The following EDNRB variants were observed in gnomAD, a reference collection of about 807,000 sequenced individuals.
EDNRB encodes the protein Hirschsprung disease 2.
A neutral mutation model predicts 46.4 loss-of-function variants in EDNRB; 18 were observed. The observed-to-expected ratio is 0.39, with a 90% CI of 0.27 to 0.57. The LOEUF is 0.57. EDNRB is among the 20% of genes least tolerant of loss of function. The pLI, the probability that EDNRB is intolerant of heterozygous loss-of-function variation, is 0.61. For missense variants in EDNRB, 434 were observed against 537.5 expected, an observed-to-expected ratio of 0.81 and a Z score of 1.90; for synonymous variants, 213 against 204.9, an observed-to-expected ratio of 1.04 and a Z score of -0.34.
chr13:77,956,331 T>C (rs1007304029), intron 1 of EDNRB, among the ~76,000 whole-genome samples: 5 of 152,212 alleles, frequency 3.3e-5, no homozygotes, highest in Non-Finnish European at 7.3e-5. Flanking sequence ...ATTTTTAGTG[T>C]ACAAAAACTG....
At chr13:77,971,378 C>G (rs376357606) in intron 1 of EDNRB, among the ~76,000 whole-genome samples, 2 of 152,318 alleles carry the variant, frequency 1.3e-5, no homozygotes, top group South Asian at 2.1e-4. Flanking sequence ...CTTGTGCTAA[C>G]AGGGCCATTG....
chr13:77,945,700 G>C (rs749627010), intron 1 of EDNRB, among the ~76,000 whole-genome samples: 2 of 151,954 alleles, frequency 1.3e-5, no homozygotes, highest in Non-Finnish European at 2.9e-5. Flanking sequence ...TAAAAATAAG[G>C]ACACTAGAAA....
intron 1 of EDNRB, among the ~76,000 whole-genome samples, chr13:77,946,882 A>G (rs898906676): frequency 6.6e-6 from 1 of 152,212 alleles, no homozygotes; most frequent in African/African-American, 2.4e-5. Context: ...GTTTATACAA[A>G]TGATTTATTT....
intron 1 of EDNRB, among the ~76,000 whole-genome samples, chr13:77,973,359 A>G (rs1452859484): frequency 2.0e-5 from 3 of 152,126 alleles, no homozygotes. Flanking sequence ...TATTTATCTA[A>G]TTTTTAATAT....
At chr13:77,940,027 A>G (rs370223964) in intron 1 of EDNRB, 5 of 122,976 alleles carry the variant, frequency 4.1e-5, no homozygotes, top group South Asian at 2.6e-4. Flanking sequence ...AATAAATAAA[A>G]TAAAAATAAA....
intron 1 of EDNRB, among the ~76,000 whole-genome samples, chr13:77,932,048 T>TA (rs5804946): frequency 0.086 from 12,309 of 143,942 alleles, 676 homozygotes; most frequent in Non-Finnish European, 0.12. Context: ...GGTGAATTAT[T>TA]AAAAAAAAAA....
chr13:77,963,817 A>C (rs1881498170), intron 1 of EDNRB, among the ~76,000 whole-genome samples: 1 of 152,346 alleles, frequency 6.6e-6, no homozygotes, highest in African/African-American at 2.4e-5. Context: ...AGAAACTACC[A>C]TCAGAGTAAA....
chr13:77,966,321 C>CT (rs1881580508), intron 1 of EDNRB, among the ~76,000 whole-genome samples: 1 of 152,150 alleles, frequency 6.6e-6, no homozygotes, highest in Non-Finnish European at 1.5e-5. Flanking sequence ...ACCTGTGCCC[C>CT]CACAAAAGCA....
chr13:77,898,600 T>C (rs1878762301), intron 6 of EDNRB, among the ~76,000 whole-genome samples: 1 of 152,048 alleles, frequency 6.6e-6, no homozygotes, highest in African/African-American at 2.4e-5. Flanking sequence ...TATTTACTCT[T>C]GGTTATTTGA....
intron 1 of EDNRB, among the ~76,000 whole-genome samples, chr13:77,973,578 A>G (rs960606028): frequency 1.3e-4 from 20 of 152,122 alleles, no homozygotes; most frequent in African/African-American, 4.3e-4. Context: ...TAAACCTTTA[A>G]AACAAAACGC....
intron 6 of EDNRB, 22 bp from the exon 7 acceptor site, chr13:77,898,356 A>C: frequency 6.2e-7 from 1 of 1,610,806 alleles, no homozygotes; most frequent in South Asian, 1.1e-5. Context: ...AAAGTAACTC[A>C]TTATATGTTA....
At chr13:77,899,816 A>G (rs1437749621) in intron 6 of EDNRB, 43 bp downstream of exon 6, 1 of 1,426,896 alleles carries the variant, frequency 7.0e-7, no homozygotes, top group Non-Finnish European at 9.9e-7. Flanking sequence ...CTTATATTTG[A>G]GCCATATTAC....
chr13:77,918,410 G>C lies in EDNRB; in HGVS notation c.164C>G (p.Pro55Arg), dbSNP rs751161032. 3 of 1,593,578 alleles carry C rather than the reference G, an allele frequency of 1.9e-6. No individual in the cohort carries two copies. The highest frequency in any genetic ancestry group is 2.6e-6 in the Non-Finnish European group (3 of 1,169,452). ...CGCCAGACTGGCGTTGGAACCCTTG[G>C]GCCATAAGGTCTTAGTGGGTGGCGT... ...IMTPPTKTLWPKGSNASLARS... is the reference protein window; with the variant it reads ...IMTPPTKTLWRKGSNASLARS... The change falls in exon 1 of 7, where the codon CCC (proline) becomes CGC (arginine). Residue 55 changes from proline (P) to arginine (R), a missense_variant. Coordinates refer to ENST00000646607, the MANE Select transcript of EDNRB (RefSeq NM_001122659.3). The surrounding 1 kb of genome is among the most constrained non-coding windows in gnomAD (Gnocchi z 4.5).
intron 1 of EDNRB, among the ~76,000 whole-genome samples, chr13:77,909,678 A>T (rs1347665649): frequency 6.6e-6 from 1 of 152,028 alleles, no homozygotes; most frequent in African/African-American, 2.4e-5. Flanking sequence ...TAGTACAGTG[A>T]TTGGCACACA....
chr13:77,930,087 A>C (rs1266473767), intron 1 of EDNRB, among the ~76,000 whole-genome samples: 1 of 152,154 alleles, frequency 6.6e-6, no homozygotes, highest in Non-Finnish European at 1.5e-5. Flanking sequence ...AATTATTGGC[A>C]TTGGTGGTTA....
intron 1 of EDNRB, among the ~76,000 whole-genome samples, chr13:77,964,359 C>A (rs1463874501): frequency 6.6e-6 from 1 of 152,194 alleles, no homozygotes; most frequent in Admixed American, 6.5e-5. Context: ...TTCAGAATAT[C>A]AAACACTTGG....
intron 1 of EDNRB, among the ~76,000 whole-genome samples, chr13:77,904,958 A>G (rs557581733): frequency 1.3e-5 from 2 of 152,136 alleles, no homozygotes; most frequent in South Asian, 4.1e-4. Flanking sequence ...AATGACGTCA[A>G]AGGCTAAAAT....
chr13:77,897,158 TCA>T lies in EDNRB; in HGVS notation c.*1040_*1041del, dbSNP rs1165197821. Reference sequence around the variant, plus strand: ...TCATGTGGACACTGCACCAGGCAGTTCACAGTCTTTATTATGAGGTCACTGGC... The same window carrying T: ...TCATGTGGACACTGCACCAGGCAGTTCAGTCTTTATTATGAGGTCACTGGC... On this transcript the variant is annotated 3_prime_UTR_variant, in exon 7 of 7. Transcript: ENST00000646607. 6 of 985,360 alleles carry T rather than the reference TCA, an allele frequency of 6.1e-6. No homozygotes were observed. In the African/African-American group the frequency reaches 7.0e-5, roughly 11 times the overall value. 61.0% of individuals were successfully genotyped at this position (985,360 alleles called of 1,614,324 possible).
At chr13:77,926,752 A>T (rs956575610) in intron 1 of EDNRB, among the ~76,000 whole-genome samples, 6 of 152,142 alleles carry the variant, frequency 3.9e-5, no homozygotes, top group Admixed American at 3.3e-4. Context: ...CTCTGCTGTT[A>T]CCAATTTACT....
Sources: allele counts gnomAD v4.1 joint callset (sites outside exome capture counted in the v4.1 genomes callset), GRCh38; gene constraint gnomAD v4.1.1; non-coding constraint Gnocchi (gnomAD v3.1); transcripts MANE v1.5; gene names NCBI Gene and HGNC (gene_info 2026-07-23, HGNC 2026-07-21).